The following COMMD10 variants were observed in gnomAD, a reference collection of about 807,000 sequenced individuals.
COMMD10 encodes the protein COMM domain-containing protein 10.
COMMD10 carries 33 observed loss-of-function variants against 28.9 expected under a neutral mutation model. The ratio of observed to expected loss-of-function variants is 1.14; its 90% confidence interval spans 0.87 to 1.53. COMMD10 has a LOEUF of 1.53. Among genes scored for constraint, COMMD10 ranks in the 40% most tolerant of loss-of-function variants. The pLI is 0.00. For synonymous variants in COMMD10, 110 were observed against 81.7 expected (o/e 1.35, Z -1.87); for missense variants, 310 against 233.4 (o/e 1.33, Z -2.14).
chr5:116,289,627 G>A (rs1489009381), intron 5 of COMMD10, among the ~76,000 whole-genome samples: 1 of 151,868 alleles, frequency 6.6e-6, no homozygotes, highest in Non-Finnish European at 1.5e-5. Context: ...TGGATGTATG[G>A]TTCATTCTTT....
chr5:116,213,378 A>G (rs1005586177), intron 5 of COMMD10, among the ~76,000 whole-genome samples: 1 of 152,134 alleles, frequency 6.6e-6, no homozygotes, highest in Non-Finnish European at 1.5e-5. Flanking sequence ...GGGTCTCAGC[A>G]AAATGATAAA....
At chr5:116,217,968 G>T in intron 5 of COMMD10, 1 of 802,822 alleles carries the variant, frequency 1.2e-6, no homozygotes, top group Non-Finnish European at 2.1e-6. Flanking sequence ...GGTAAAAATA[G>T]TATTTCAAAC....
chr5:116,230,638 C>A (rs369926685), intron 5 of COMMD10, among the ~76,000 whole-genome samples: 1 of 151,912 alleles, frequency 6.6e-6, no homozygotes. Context: ...ATTATTGATA[C>A]CCAGTGATGT....
At chr5:116,124,515 C>T (rs141300660) in intron 4 of COMMD10, among the ~76,000 whole-genome samples, 76,546 of 151,646 alleles carry the variant, frequency 0.5, 21,891 homozygotes, top group Non-Finnish European at 0.65. Context: ...GGAATAATTG[C>T]GATGCGGTGC....
chr5:116,116,823 A>G (rs925506571), intron 4 of COMMD10, among the ~76,000 whole-genome samples: 9 of 149,684 alleles, frequency 6.0e-5, no homozygotes, highest in Admixed American at 4.7e-4. Flanking sequence ...GGTTCACGCC[A>G]TTCTCCTGCC....
In COMMD10 at chr5:116,089,808, G is replaced by A. The variant is rs149504421; in HGVS notation, c.133-1271G>A. Among the ~76,000 whole-genome samples, 873 of 152,272 alleles carry A rather than the reference G, an allele frequency of 5.7e-3. 4 individuals carry two copies. Among genetic ancestry groups the A allele is most frequent in the Non-Finnish European group, 9.8e-3 (666 of 68,012 alleles). The stretch of plus-strand genomic sequence containing the variant: ...GTGAATACTTGCCTGCTAAGAAGAC[G>A]TCAGGAAAGGTCTAATTGTTTTTTT... On this transcript the variant is annotated intron_variant, in intron 2 of 6. Coordinates refer to ENST00000274458, the MANE Select transcript of COMMD10 (RefSeq NM_016144.4).
At chr5:116,267,437 C>G (rs36194147) in intron 5 of COMMD10, among the ~76,000 whole-genome samples, 27,347 of 151,532 alleles carry the variant, frequency 0.18, 2,819 homozygotes, top group Admixed American at 0.3. Context: ...CACTGCTCAA[C>G]GAAATAAAAG....
intron 4 of COMMD10, among the ~76,000 whole-genome samples, chr5:116,105,489 G>T (rs182455062): frequency 6.6e-6 from 1 of 152,280 alleles, no homozygotes. Flanking sequence ...AATTAGGAAG[G>T]ATTCCCTCTT....
intron 5 of COMMD10, among the ~76,000 whole-genome samples, chr5:116,236,877 G>A (rs559977402): frequency 3.3e-5 from 5 of 152,046 alleles, no homozygotes; most frequent in Admixed American, 6.6e-5. Flanking sequence ...TCTGGTGGGG[G>A]ATACTGATAA....
At chr5:116,182,165 A>T (rs1747987726) in intron 5 of COMMD10, among the ~76,000 whole-genome samples, 1 of 152,076 alleles carries the variant, frequency 6.6e-6, no homozygotes, top group African/African-American at 2.4e-5. Context: ...AAGAGGAGGG[A>T]GGCGCATTAT....
chr5:116,100,764 G>T (rs1325194442), intron 4 of COMMD10, among the ~76,000 whole-genome samples: 1 of 151,892 alleles, frequency 6.6e-6, no homozygotes. Context: ...TAATACGTCT[G>T]TTTTTTGCCA....
At chr5:116,100,329 A>G (rs1161658286) in intron 4 of COMMD10, among the ~76,000 whole-genome samples, 2 of 151,964 alleles carry the variant, frequency 1.3e-5, no homozygotes, top group African/African-American at 2.4e-5. Flanking sequence ...TGCTTTTGTT[A>G]TGTATTTCAT....
chr5:116,249,420 G>T (rs1750048107), intron 5 of COMMD10, among the ~76,000 whole-genome samples: 1 of 151,648 alleles, frequency 6.6e-6, no homozygotes, highest in African/African-American at 2.4e-5. Flanking sequence ...TAATCATATT[G>T]GTTGCATCAC....
chr5:116,204,166 G>A (rs1748752003), intron 5 of COMMD10, among the ~76,000 whole-genome samples: 1 of 152,042 alleles, frequency 6.6e-6, no homozygotes, highest in African/African-American at 2.4e-5. Context: ...ATGGTAAAGG[G>A]ATCAATTCAA....
chr5:116,191,910 A>G (rs1311689703), intron 5 of COMMD10, among the ~76,000 whole-genome samples: 1 of 140,990 alleles, frequency 7.1e-6, no homozygotes, highest in Non-Finnish European at 1.6e-5. Context: ...CCATCCTCCC[A>G]CCCCCCACTA....
chr5:116,143,630 T>C (rs1752258048), intron 5 of COMMD10, among the ~76,000 whole-genome samples: 1 of 151,838 alleles, frequency 6.6e-6, no homozygotes, highest in Non-Finnish European at 1.5e-5. Context: ...TTTCATTAGA[T>C]ACCTTTTCAT....
chr5:116,183,590 G>T (rs1176592331), intron 5 of COMMD10, among the ~76,000 whole-genome samples: 1 of 152,050 alleles, frequency 6.6e-6, no homozygotes, highest in Non-Finnish European at 1.5e-5. Flanking sequence ...AACTTTCTTT[G>T]TGTTCTGAGA....
intron 4 of COMMD10, among the ~76,000 whole-genome samples, chr5:116,127,124 C>G (rs1231788566): frequency 6.6e-6 from 1 of 152,148 alleles, no homozygotes; most frequent in Non-Finnish European, 1.5e-5. Context: ...AGGATATGAA[C>G]AGACACTTCT....
intron 4 of COMMD10, among the ~76,000 whole-genome samples, chr5:116,095,884 G>A (rs1750452067): frequency 6.6e-6 from 1 of 151,890 alleles, no homozygotes; most frequent in African/African-American, 2.4e-5. Context: ...TTATCATTTT[G>A]TCATTGAATT....
Sources: gnomAD v4.1 joint callset for allele counts (sites outside exome capture counted in the v4.1 genomes callset) on GRCh38, gnomAD v4.1.1 for gene constraint, MANE v1.5 for transcripts, NCBI Gene and HGNC (gene_info 2026-07-23, HGNC 2026-07-21) for gene names.